RBFOX1: variants seen among roughly 807,000 people sequenced by gnomAD.
The protein encoded by RBFOX1 is RNA binding fox-1 homolog 1.
A neutral mutation model predicts 57.7 loss-of-function variants in RBFOX1; 8 were observed. The ratio of observed to expected loss-of-function variants is 0.14; its 90% confidence interval spans 0.08 to 0.25. The LOEUF is 0.25. RBFOX1 is among the 10% of genes least tolerant of loss of function. The pLI, the probability that RBFOX1 is intolerant of heterozygous loss-of-function variation, is 1.00. For synonymous variants in RBFOX1, 326 were observed against 222.4 expected (o/e 1.47, Z -4.15); for missense variants, 611 against 548.5 (o/e 1.11, Z -1.14).
intron 3 of RBFOX1, among the ~76,000 whole-genome samples, chr16:5,802,776 T>C (rs2055101040): frequency 6.6e-6 from 1 of 152,218 alleles, no homozygotes; most frequent in South Asian, 2.1e-4. Flanking sequence ...AGTTTATGTA[T>C]TCACTTATAT....
intron 1 of RBFOX1, among the ~76,000 whole-genome samples, chr16:6,155,644 G>A (rs2096833057): frequency 1.3e-5 from 2 of 152,126 alleles, no homozygotes. Context: ...ACCATTATGG[G>A]CCGACTTTCT....
chr16:7,107,122 A>C (rs1416457737), intron 4 of RBFOX1, among the ~76,000 whole-genome samples: 1 of 152,168 alleles, frequency 6.6e-6, no homozygotes, highest in East Asian at 1.9e-4. Context: ...CCAACTATGC[A>C]AAGAGTCAGA....
At chr16:6,882,792 T>G (rs1365100846) in intron 3 of RBFOX1, among the ~76,000 whole-genome samples, 1 of 152,024 alleles carries the variant, frequency 6.6e-6, no homozygotes, top group Non-Finnish European at 1.5e-5. Flanking sequence ...GCAAGTGGCA[T>G]TCCTGGGGGG....
At chr16:5,589,294 G>T (rs4786725) in intron 2 of RBFOX1, among the ~76,000 whole-genome samples, 1 of 152,030 alleles carries the variant, frequency 6.6e-6, no homozygotes, top group Non-Finnish European at 1.5e-5. Context: ...AGGAAGTGTG[G>T]TGTGTGCTGG....
At chr16:6,638,420 G>A (rs1452268875) in intron 2 of RBFOX1, among the ~76,000 whole-genome samples, 1 of 152,058 alleles carries the variant, frequency 6.6e-6, no homozygotes, top group Non-Finnish European at 1.5e-5. Context: ...TCTCAGGTGA[G>A]TTTTAAAATT....
chr16:6,373,803 A>C (rs1003678789), intron 2 of RBFOX1, among the ~76,000 whole-genome samples: 1 of 152,144 alleles, frequency 6.6e-6, no homozygotes, highest in Non-Finnish European at 1.5e-5. Context: ...TGTGGTCTGC[A>C]TGTCTTATTT....
chr16:7,701,506 T>A (rs1299969888), intron 14 of RBFOX1, among the ~76,000 whole-genome samples: 3 of 151,982 alleles, frequency 2.0e-5, no homozygotes, highest in African/African-American at 7.3e-5. Context: ...AGTGGAACAG[T>A]TTTTTTTCCT....
chr16:5,515,749 G>T (rs1005428250), intron 2 of RBFOX1, among the ~76,000 whole-genome samples: 1 of 152,132 alleles, frequency 6.6e-6, no homozygotes, highest in Non-Finnish European at 1.5e-5. Flanking sequence ...AAAGTATCAA[G>T]ACTGGTGAGA....
At chr16:5,474,979 A>G (rs1482225595) in intron 2 of RBFOX1, among the ~76,000 whole-genome samples, 1 of 152,200 alleles carries the variant, frequency 6.6e-6, no homozygotes, top group East Asian at 1.9e-4. Context: ...TTCTGAAACC[A>G]GCATTATTCT....
intron 4 of RBFOX1, among the ~76,000 whole-genome samples, chr16:5,968,912 G>A (rs1043430423): frequency 6.6e-6 from 1 of 151,898 alleles, no homozygotes; most frequent in African/African-American, 2.4e-5. Context: ...TTAACAGCTT[G>A]ATTTACACAT....
At chr16:6,833,434 T>G (rs900249096) in intron 3 of RBFOX1, among the ~76,000 whole-genome samples, 2 of 152,164 alleles carry the variant, frequency 1.3e-5, no homozygotes. Flanking sequence ...CCCAAAGTGT[T>G]GGGGTTACAG....
At chr16:6,677,235 C>T (rs536130721) in intron 3 of RBFOX1, among the ~76,000 whole-genome samples, 4 of 152,228 alleles carry the variant, frequency 2.6e-5, no homozygotes, top group South Asian at 2.1e-4. Flanking sequence ...GTTTTCCGTG[C>T]TCTAGAGACC....
chr16:6,850,584 A>G (rs550758915), intron 3 of RBFOX1, among the ~76,000 whole-genome samples: 1 of 152,342 alleles, frequency 6.6e-6, no homozygotes, highest in South Asian at 2.1e-4. Context: ...ACTGGCCTTA[A>G]CAAATTAAAG....
At chr16:6,016,092 T>C (rs1288988704), upstream of RBFOX1, among the ~76,000 whole-genome samples, 1 of 152,254 alleles carries the variant, frequency 6.6e-6, no homozygotes, top group African/African-American at 2.4e-5. Context: ...CTATCATTTA[T>C]TGAGCTTATT....
chr16:6,395,322 A>G (rs1029444179), intron 2 of RBFOX1, among the ~76,000 whole-genome samples: 3 of 152,192 alleles, frequency 2.0e-5, no homozygotes, highest in African/African-American at 7.2e-5. Flanking sequence ...AAGTCTCCTG[A>G]GTCAAATGAA....
Position 5,867,561 on chromosome 16 carries a change from C to T in RBFOX1, c.351+226C>T, listed in dbSNP as rs543959481. 3.3e-5 allele frequency among the ~76,000 whole-genome samples: 5 copies of T among 152,130 alleles called. No homozygotes were observed. The South Asian group carries it at 1.0e-3, about 31-fold the overall frequency. ...GCGTGGTAAAGATGGTGCAGGGTGACTTCAGCGTCTGTTTCTTGACAGATA... is the reference window on the plus strand; with the variant it reads ...GCGTGGTAAAGATGGTGCAGGGTGATTTCAGCGTCTGTTTCTTGACAGATA... On this transcript the variant is annotated intron_variant, in intron 4 of 19. Transcript: ENST00000641259.
At chr16:6,842,210 A>T (rs535587776) in intron 3 of RBFOX1, among the ~76,000 whole-genome samples, 2 of 152,188 alleles carry the variant, frequency 1.3e-5, no homozygotes, top group South Asian at 4.2e-4. Flanking sequence ...AGTGTTAGCT[A>T]TTTGAGTAGT....
At chr16:5,674,189 A>T (rs780453828) in intron 3 of RBFOX1, among the ~76,000 whole-genome samples, 9 of 152,254 alleles carry the variant, frequency 5.9e-5, no homozygotes, top group African/African-American at 1.7e-4. Flanking sequence ...AAGAAATTAC[A>T]GGTATACCAA....
chr16:6,563,549 C>T (rs2097212970), intron 2 of RBFOX1, among the ~76,000 whole-genome samples: 2 of 152,068 alleles, frequency 1.3e-5, no homozygotes, highest in Admixed American at 6.6e-5. Flanking sequence ...GTTGGGTAAG[C>T]CGATAAAAAG....
Sources: gnomAD v4.1 joint callset for allele counts (sites outside exome capture counted in the v4.1 genomes callset) on GRCh38, gnomAD v4.1.1 for gene constraint, MANE v1.5 for transcripts, NCBI Gene and HGNC (gene_info 2026-07-23, HGNC 2026-07-21) for gene names.